NLRP4: variants seen among roughly 807,000 people sequenced by gnomAD.
NLRP4 encodes the protein NACHT, LRR and PYD domains-containing protein 4.
Under a neutral mutation model 84.7 loss-of-function variants are expected in NLRP4, and 44 were observed. That is an observed-to-expected ratio of 0.52 (90% CI 0.41 to 0.67). The LOEUF (loss-of-function observed/expected upper bound fraction) is 0.67, where lower values mean the gene tolerates loss of function less well. Ranked by LOEUF, NLRP4 falls within the 30% of genes least tolerant of loss-of-function variation. NLRP4 has a pLI of 0.00. For missense variants in NLRP4, 1,260 were observed against 1,219.4 expected, an observed-to-expected ratio of 1.03 and a Z score of -0.50; for synonymous variants, 544 against 476.4, an observed-to-expected ratio of 1.14 and a Z score of -1.85.
intron 1 of NLRP4, among the ~76,000 whole-genome samples, chr19:55,845,499 G>A (rs1983759423): frequency 6.6e-6 from 1 of 151,964 alleles, no homozygotes; most frequent in Non-Finnish European, 1.5e-5. Flanking sequence ...GTGTGCATGT[G>A]TCTTTATAGC....
intron 2 of NLRP4, 113 bp from the exon 3 acceptor site, chr19:55,857,560 TG>T (rs1391561629): frequency 2.2e-6 from 2 of 905,230 alleles, no homozygotes; most frequent in South Asian, 1.7e-5. Context: ...AGGTTTGGCC[TG>T]GGGGCCACAG....
chr19:55,881,575 G>GGT lies in NLRP4; in HGVS notation c.2974_2975dup (p.Glu993Ter), dbSNP rs1985592015. On this transcript the variant is annotated frameshift_variant, in exon 10 of 10. Transcript: ENST00000301295. LOFTEE classifies it high-confidence loss of function. ...CAGACGACTGTGACACAATCACAAG[G>GGT]GTAGAGATCTGATTGCGAGGAACCT... The GGT allele has an allele frequency of 6.4e-7, 1 of 1,553,352 alleles. No individual in the cohort carries two copies. Among genetic ancestry groups the GGT allele is most frequent in the South Asian group, 1.1e-5 (1 of 88,532 alleles).
Position 55,852,295 on chromosome 19 carries a change from C to T in NLRP4, c.215C>T (p.Thr72Ile). ...HYEEQQAWNI[T>I]LRIFQKMDRK... The stretch of plus-strand genomic sequence containing the variant: ...GAAGAACAACAAGCTTGGAACATAA[C>T]CTTAAGAATCTTTCAAAAGATGGAT... Residue 72 changes from threonine to isoleucine, a missense_variant, in exon 2 of 10, where the codon ACC becomes ATC. Around this residue, in one of 3 missense-constraint regions of NLRP4, gnomAD observed 712 missense variants for 669.2 expected, o/e 1.06. Coordinates refer to ENST00000301295, the MANE Select transcript of NLRP4 (RefSeq NM_134444.5). 6.2e-7 allele frequency: 1 copy of T among 1,605,972 alleles called. No homozygotes were observed. The highest frequency in any genetic ancestry group is 8.5e-7 in the Non-Finnish European group (1 of 1,177,026).
intron 1 of NLRP4, among the ~76,000 whole-genome samples, chr19:55,850,548 TCCGTGGCTGCGGTGTAATG>T (rs1396467611): frequency 4.5e-5 from 3 of 66,784 alleles, no homozygotes; most frequent in Non-Finnish European, 2.6e-5. Flanking sequence ...CGGTGTAATG[TCCGTGGCTGCGGTGTAATG>T]TCCGTGGCTG....
chr19:55,881,253 T>C (rs112455190), intron 9 of NLRP4, among the ~76,000 whole-genome samples: 26 of 151,850 alleles, frequency 1.7e-4, no homozygotes, highest in African/African-American at 4.8e-4. Flanking sequence ...ACCACAGAAA[T>C]TGGCAAAGCT....
intron 2 of NLRP4, among the ~76,000 whole-genome samples, chr19:55,853,180 G>C (rs1200051449): frequency 6.6e-6 from 1 of 152,202 alleles, no homozygotes; most frequent in Non-Finnish European, 1.5e-5. Flanking sequence ...GCAGGATATA[G>C]CTCTTTCAAC....
intron 5 of NLRP4, among the ~76,000 whole-genome samples, chr19:55,864,422 T>C (rs1162728583): frequency 6.6e-6 from 1 of 152,238 alleles, no homozygotes; most frequent in East Asian, 1.9e-4. Flanking sequence ...CTTGGCTAAA[T>C]AGTATTCCAC....
intron 1 of NLRP4, among the ~76,000 whole-genome samples, chr19:55,850,230 C>T (rs1984023998): frequency 7.0e-6 from 1 of 143,030 alleles, no homozygotes. Flanking sequence ...GTGTAATTTC[C>T]GTGGCTGCGG....
chr19:55,870,526 G>T (rs2123057136), intron 6 of NLRP4, among the ~76,000 whole-genome samples: 1 of 152,280 alleles, frequency 6.6e-6, no homozygotes, highest in African/African-American at 2.4e-5. Context: ...AGCGAGATGT[G>T]GTTGTGGGTG....
intron 1 of NLRP4, among the ~76,000 whole-genome samples, chr19:55,843,109 T>C (rs764603003): frequency 6.6e-6 from 1 of 152,150 alleles, no homozygotes; most frequent in Non-Finnish European, 1.5e-5. Flanking sequence ...CAGCAGCTAT[T>C]TGTTTTGAGC....
chr19:55,852,792 TG>T (rs1330826444), intron 2 of NLRP4, among the ~76,000 whole-genome samples: 4 of 152,048 alleles, frequency 2.6e-5, no homozygotes, highest in African/African-American at 9.7e-5. Context: ...ATATTGTCCT[TG>T]TAGGCAGGAA....
At chr19:55,838,946 A>C (rs937530782) in intron 1 of NLRP4, among the ~76,000 whole-genome samples, 3 of 147,552 alleles carry the variant, frequency 2.0e-5, no homozygotes, top group Non-Finnish European at 3.0e-5. Flanking sequence ...AAATTCTTAC[A>C]CTAAGCCTGT....
At chr19:55,857,639 G>A (rs1984494269) in intron 2 of NLRP4, 35 bp from the exon 3 acceptor site, 1 of 1,594,802 alleles carries the variant, frequency 6.3e-7, no homozygotes, top group African/African-American at 1.3e-5. Context: ...GCTTAACTTT[G>A]TGGGTTTTCT....
intron 1 of NLRP4, among the ~76,000 whole-genome samples, chr19:55,851,734 A>ATTTCCATG (rs1568660210): frequency 7.9e-6 from 1 of 126,678 alleles, no homozygotes; most frequent in Non-Finnish European, 1.6e-5. Context: ...TAATTTCCGA[A>ATTTCCATG]GCTGCGGTGT....
At chr19:55,851,112 T>A (rs375759177) in intron 1 of NLRP4, among the ~76,000 whole-genome samples, 1,010 of 33,208 alleles carry the variant, frequency 0.03, no homozygotes, top group Admixed American at 0.038. Flanking sequence ...GTAATGTCCG[T>A]GGCTGCGGTG....
chr19:55,872,741 C>T (rs367944930), intron 7 of NLRP4, among the ~76,000 whole-genome samples: 50 of 152,172 alleles, frequency 3.3e-4, no homozygotes, highest in African/African-American at 1.2e-3. Flanking sequence ...TACTGGGAAT[C>T]GCGGAAAGAG....
At position 55,867,832 on chromosome 19, in the gene NLRP4, G is replaced by A. The variant is rs1378723651; in HGVS notation, c.2310G>A (p.Leu770=). 4.3e-6 allele frequency: 7 copies of A among 1,614,178 alleles called. No individual in the cohort carries two copies. Among genetic ancestry groups the A allele is most frequent in the Non-Finnish European group, 5.9e-6 (7 of 1,180,010 alleles). The change falls in exon 6 of 10, where the codon TTG becomes TTA. Residue 770 remains leucine (L), a synonymous_variant. Coordinates refer to ENST00000301295, the MANE Select transcript of NLRP4 (RefSeq NM_134444.5). ...AGTTAGACACAGGCGTGCCCCTTTT[G>A]TGTGAAGCCCTGTGCAGCCCAGACA... ...CNQLDTGVPL[L]CEALCSPDTV...
chr19:55,837,909 G>C (rs968213935), intron 1 of NLRP4, among the ~76,000 whole-genome samples: 1 of 152,072 alleles, frequency 6.6e-6, no homozygotes, highest in Non-Finnish European at 1.5e-5. Context: ...GGTGGCAGGT[G>C]CCTGTAATCC....
chr19:55,878,697 C>A, intron 8 of NLRP4, 97 bp from the exon 9 acceptor site: 1 of 1,048,804 alleles, frequency 9.5e-7, no homozygotes, highest in Non-Finnish European at 1.4e-6. Context: ...GCACTTGAGG[C>A]AATGGGGTGT....
Sources: gnomAD v4.1 joint callset for allele counts (sites outside exome capture counted in the v4.1 genomes callset) on GRCh38, gnomAD v4.1.1 for gene constraint, gnomAD v4.1.1 regional missense constraint, MANE v1.5 for transcripts, NCBI Gene and HGNC (gene_info 2026-07-23, HGNC 2026-07-21) for gene names.